Variants in HELZ2 observed in about 807,000 individuals in gnomAD.
The protein encoded by HELZ2 is 3'-5' exoribonuclease HELZ2.
In HELZ2, 143 loss-of-function variants were observed where a neutral mutation model predicts 208.8. The observed-to-expected ratio is 0.68, with a 90% confidence interval of 0.60 to 0.79. HELZ2 has a LOEUF of 0.79. HELZ2 is among the 30% of genes least tolerant of loss of function. The pLI, the probability that HELZ2 is intolerant of heterozygous loss-of-function variation, is 0.00. For synonymous variants in HELZ2, 1,705 were observed against 1,693.7 expected (o/e 1.01, Z -0.16); for missense variants, 3,690 against 3,794.5 (o/e 0.97, Z 0.72).
At chr20:63,572,175 C>G (rs529095949) in exon 1 of HELZ2, 2 of 1,610,348 alleles carry the variant, frequency 1.2e-6, no homozygotes, top group Admixed American at 3.4e-5. Flanking sequence ...AGGGCCTGGT[C>G]GAAGGCCACC....
chr20:63,566,214 C>A, exon 8 of HELZ2: 1 of 1,492,186 alleles, frequency 6.7e-7, no homozygotes. Context: ...CTGAGCACCA[C>A]GACCCGGAAC....
In HELZ2 at chr20:63,563,505, AG is replaced by A; in HGVS notation, c.5316del (p.Tyr1773ThrfsTer197). The stretch of plus-strand genomic sequence containing the variant: ...TGCTCGGCCAGCTGCAGGGAGCCGT[AG>A]GGGACGGGGCAGGGGTCAGGCAGCG... On this transcript the variant is annotated frameshift_variant, in exon 8 of 19. Coordinates refer to ENST00000467148, the Ensembl canonical transcript of HELZ2. LOFTEE classifies it high-confidence loss of function. 6.6e-7 allele frequency: 1 copy of A among 1,514,172 alleles called. No homozygotes were observed. The highest frequency in any genetic ancestry group is 8.8e-7 in the Non-Finnish European group (1 of 1,134,522). The allele number at this position is 1,514,172 out of a possible 1,614,324, so 93.8% of individuals were successfully genotyped here.
In HELZ2 at chr20:63,561,345, C is replaced by G; in HGVS notation, c.6953+5G>C. ...CAGCTCCACCCCCTGGCCCCTGCCA[C>G]TTACCAGACCAGGTCCTCCCTGGAG... On this transcript the variant is annotated splice_donor_5th_base_variant and intron_variant, in intron 13 of 18. Transcript: ENST00000467148. 1 of 1,612,984 alleles carries G rather than the reference C, an allele frequency of 6.2e-7. No individual in the cohort carries two copies.
At chr20:63,564,973 G>A in exon 8 of HELZ2, 1 of 1,605,066 alleles carries the variant, frequency 6.2e-7, no homozygotes, top group Non-Finnish European at 8.5e-7. Context: ...GCACCTCCCG[G>A]ACGATGCCCA....
exon 8 of HELZ2, chr20:63,562,790 C>T (rs749394160): frequency 1.1e-5 from 18 of 1,609,086 alleles, no homozygotes; most frequent in Admixed American, 6.7e-5. Context: ...CCCCTCGAGC[C>T]GGATGCAGAG....
intron 17 of HELZ2, 25 bp from the exon 19 acceptor site, chr20:63,560,120 G>C: frequency 6.4e-7 from 1 of 1,564,920 alleles, no homozygotes; most frequent in Non-Finnish European, 8.6e-7. Flanking sequence ...GTGAGGCCCT[G>C]CTGCCGCTGC....
chr20:63,568,663 C>T (rs760595787), exon 5 of HELZ2: 58 of 1,605,150 alleles, frequency 3.6e-5, no homozygotes, highest in Non-Finnish European at 4.3e-5. Flanking sequence ...GGAAGGTCAT[C>T]GGGTCAATCT....
chr20:63,561,902 G>A lies in HELZ2; in HGVS notation c.6612C>T (p.Pro2204=), dbSNP rs778980636. ...CCCCCAGCCGCTTCTCCCCACGGGG[G>A]GGGCCTCCGGGCTGCACCTGCTCCT... Residue 2204 remains proline (P), a synonymous_variant, in exon 11 of 19, where the codon CCC becomes CCT. Coordinates refer to ENST00000467148, the Ensembl canonical transcript of HELZ2. The A allele has an allele frequency of 2.5e-6, 4 of 1,583,122 alleles. No individual in the cohort carries two copies. In the South Asian group the frequency reaches 3.4e-5, roughly 14 times the overall value.
exon 8 of HELZ2, chr20:63,564,862 C>A: frequency 6.2e-7 from 1 of 1,612,194 alleles, no homozygotes; most frequent in African/African-American, 1.3e-5. Context: ...GGTATTTCTG[C>A]AGCACCTTGG....
chr20:63,561,018 A>G (rs1301226760), intron 14 of HELZ2, 64 bp downstream of exon 15: 1 of 1,595,108 alleles, frequency 6.3e-7, no homozygotes, highest in African/African-American at 1.3e-5. Flanking sequence ...CACACAGGGC[A>G]CCCCAGGTGG....
chr20:63,568,020 A>G lies in HELZ2; in HGVS notation c.1730+338T>C, dbSNP rs991701964. On this transcript the variant is annotated intron_variant, in intron 5 of 18. Transcript: ENST00000467148. ...GGAACCAGAGGAAACCACATAAACC[A>G]AAGGGGAACCTTGTGGTTAGGACAA... The G allele has an allele frequency of 9.4e-6, 5 of 531,350 alleles. No individual in the cohort carries two copies. In the African/African-American group the frequency reaches 9.5e-5, roughly 10 times the overall value. 32.9% of individuals were successfully genotyped at this position (531,350 alleles called of 1,614,324 possible). A position where few individuals can be genotyped will look rare whatever the true frequency, so the allele number is the denominator to read the frequency against.
rs1415721527 is a variant in HELZ2 at position 63,564,201 on chromosome 20, C to T, written c.4621G>A (p.Val1541Met). 3.1e-6 allele frequency: 5 copies of T among 1,611,644 alleles called. No individual in the cohort carries two copies. The highest frequency in any genetic ancestry group is 1.6e-4 in the Middle Eastern group (1 of 6,082). ...ACCGTCCGCGTGCACTCGCTGCCCA[C>T]CAGGAACTCAGCCACGAGCCTATTA... Residue 1541 changes from valine (V) to methionine (M), a missense_variant, in exon 8 of 19, where the codon GTG becomes ATG. By Grantham distance (21) the Val-to-Met change is conservative. Around this residue, in one of 3 missense-constraint regions of HELZ2, gnomAD observed 2,564 missense variants for 2,580.5 expected, o/e 0.99. Transcript: ENST00000467148.
chr20:63,572,684 G>C (rs1249661509), upstream of HELZ2: 7 of 384,604 alleles, frequency 1.8e-5, no homozygotes, highest in Non-Finnish European at 2.8e-5. Context: ...GGCGTCGGCC[G>C]CCCGGCCTGC....
At chr20:63,573,630 C>T (rs1753566016), upstream of HELZ2, among the ~76,000 whole-genome samples, 1 of 152,164 alleles carries the variant, frequency 6.6e-6, no homozygotes, top group South Asian at 2.1e-4. The surrounding 1 kb of genome is among the most constrained non-coding windows in gnomAD (Gnocchi z 4.9). Flanking sequence ...CCTGACTCTT[C>T]TAAGGACACA....
In HELZ2 at chr20:63,570,497, C is replaced by T. The variant is rs770366561; in HGVS notation, c.570+7G>A. 17 of 1,609,118 alleles carry T rather than the reference C, an allele frequency of 1.1e-5. No homozygotes were observed. The highest frequency in any genetic ancestry group is 8.0e-5 in the African/African-American group (6 of 74,822). Reference sequence around the variant, plus strand: ...CCTCCGCCCAGTCGGAGCTGTTCTCCGCTCACCTCAGAGTGGACGGCAAAC... The same window carrying T: ...CCTCCGCCCAGTCGGAGCTGTTCTCTGCTCACCTCAGAGTGGACGGCAAAC... On this transcript the variant is annotated splice_region_variant and intron_variant, in intron 3 of 18. Transcript: ENST00000467148.
At chr20:63,573,520 G>C (rs907446355), upstream of HELZ2, among the ~76,000 whole-genome samples, 2 of 152,096 alleles carry the variant, frequency 1.3e-5, no homozygotes, top group Non-Finnish European at 2.9e-5. The surrounding 1 kb of genome is among the most constrained non-coding windows in gnomAD (Gnocchi z 4.9). Flanking sequence ...ACTGCTTGTG[G>C]AGCCCTGGAG....
At chr20:63,572,662 C>T, upstream of HELZ2, 2 of 445,790 alleles carry the variant, frequency 4.5e-6, no homozygotes, top group Non-Finnish European at 7.9e-6. Flanking sequence ...GGCCGCCAAA[C>T]TCCGTAAGGA....
chr20:63,561,077 C>T lies in HELZ2; in HGVS notation c.7146+5G>A, dbSNP rs1300409417. On this transcript the variant is annotated splice_donor_5th_base_variant and intron_variant, in intron 14 of 18. Transcript: ENST00000467148. The stretch of plus-strand genomic sequence containing the variant: ...TCATGCTGCCCACACCCCCCGCCGA[C>T]CAACCTTCTCGGCCTGTGGGAACTG... 1 of 1,608,676 alleles carries T rather than the reference C, an allele frequency of 6.2e-7. No individual in the cohort carries two copies. The highest frequency in any genetic ancestry group is 8.5e-7 in the Non-Finnish European group (1 of 1,177,086).
upstream of HELZ2, among the ~76,000 whole-genome samples, chr20:63,573,870 G>A (rs1018709861): frequency 2.6e-5 from 4 of 152,122 alleles, no homozygotes; most frequent in Admixed American, 6.5e-5. This position sits in a 1 kb window ranked among gnomAD's most constrained non-coding sequence, Gnocchi z 4.9. Flanking sequence ...CACTCCCCGC[G>A]GACCCCTCTG....
Sources: gnomAD v4.1 joint callset for allele counts (sites outside exome capture counted in the v4.1 genomes callset) on GRCh38, gnomAD v4.1.1 for gene constraint, gnomAD v4.1.1 regional missense constraint, Gnocchi (gnomAD v3.1) non-coding constraint, MANE v1.5 for transcripts, NCBI Gene and HGNC (gene_info 2026-07-23, HGNC 2026-07-21) for gene names.